CD1A: variants seen among roughly 807,000 people sequenced by gnomAD.
CD1A encodes the protein T-cell surface glycoprotein CD1a.
In CD1A, 50 loss-of-function variants were observed where a neutral mutation model predicts 38.3. That is an observed-to-expected ratio of 1.30 (90% CI 1.04 to 1.65). The LOEUF is 1.65. Among genes scored for constraint, CD1A ranks in the 40% most tolerant of loss-of-function variants. The pLI is 0.00. For missense variants in CD1A, 459 were observed against 406.1 expected, an observed-to-expected ratio of 1.13 and a Z score of -1.12; for synonymous variants, 160 against 150.8, an observed-to-expected ratio of 1.06 and a Z score of -0.45.
chr1:158,254,879 C>T (rs1650192746), intron 1 of CD1A, 152 bp downstream of exon 1: 6 of 896,290 alleles, frequency 6.7e-6, no homozygotes, highest in Non-Finnish European at 1.1e-5. Context: ...AGGCTGGTTC[C>T]ATTCTGACTA....
At chr1:158,249,723 T>C (rs1388516040), upstream of CD1A, among the ~76,000 whole-genome samples, 1 of 152,236 alleles carries the variant, frequency 6.6e-6, no homozygotes, top group Non-Finnish European at 1.5e-5. Context: ...GTTATTCTTG[T>C]TTGTTTAATT....
chr1:158,255,036 C>T (rs765680591), intron 1 of CD1A, 48 bp from the exon 2 acceptor site: 20 of 1,591,520 alleles, frequency 1.3e-5, no homozygotes, highest in Non-Finnish European at 1.6e-5. Flanking sequence ...TCTCTCCATC[C>T]TCTTTCTCAA....
chr1:158,257,772 A>C lies in CD1A; in HGVS notation c.*82A>C. On this transcript the variant is annotated 3_prime_UTR_variant, in exon 6 of 6. Coordinates refer to ENST00000289429, the MANE Select transcript of CD1A (RefSeq NM_001763.3). ...CCAAGGGCTCCAGACACACCTGAAC[A>C]CATCGTGATGATGACGTCCTCTCAA... 8.3e-7 allele frequency: 1 copy of C among 1,203,268 alleles called. No homozygotes were observed. Among genetic ancestry groups the C allele is most frequent in the Non-Finnish European group, 1.2e-6 (1 of 818,872 alleles). The allele number at this position is 1,203,268 out of a possible 1,614,324, so 74.5% of individuals were successfully genotyped here. A position where few individuals can be genotyped will look rare whatever the true frequency, so the allele number is the denominator to read the frequency against.
intron 2 of CD1A, among the ~76,000 whole-genome samples, 164 bp downstream of exon 2, chr1:158,255,514 A>G (rs1650228729): frequency 6.6e-6 from 1 of 152,072 alleles, no homozygotes; most frequent in African/African-American, 2.4e-5. Flanking sequence ...TATCATCCAG[A>G]CCTTAATTCT....
upstream of CD1A, chr1:158,254,030 GGTTTTTTTTTTTTTTTTTT>G (rs1406318462): frequency 7.3e-3 from 336 of 45,812 alleles, 6 homozygotes; most frequent in Middle Eastern, 0.02. Context: ...GTGTTCCTGT[GGTTTTTTTTTTTTTTTTTT>G]TTTTTTTTTT....
At chr1:158,254,962 C>A in intron 1 of CD1A, 122 bp from the exon 2 acceptor site, 1 of 1,050,872 alleles carries the variant, frequency 9.5e-7, no homozygotes, top group Non-Finnish European at 1.4e-6. Flanking sequence ...AAGTGAATGT[C>A]TGCTAAGATC....
chr1:158,250,239 C>G (rs1473821927), upstream of CD1A, among the ~76,000 whole-genome samples: 2 of 152,134 alleles, frequency 1.3e-5, no homozygotes, highest in Non-Finnish European at 2.9e-5. Context: ...CCTGTGGCCC[C>G]AGACATTGGG....
Position 158,256,888 on chromosome 1 carries a change from T to C in CD1A, c.707T>C (p.Met236Thr). ...TTCTACCCAAAGCCCGTGTGGGTGA[T>C]GTGGATGCGGGGTGAGCAGGAGCAG... Reference protein sequence around the residue: ...SGFYPKPVWVMWMRGEQEQQG... With the variant: ...SGFYPKPVWVTWMRGEQEQQG... Residue 236 changes from methionine to threonine, a missense_variant, in exon 4 of 6, where the codon ATG becomes ACG. Met to Thr is a moderately conservative substitution (Grantham distance 81, BLOSUM62 -1). Coordinates refer to ENST00000289429, the MANE Select transcript of CD1A (RefSeq NM_001763.3). 1 of 1,614,142 alleles carries C rather than the reference T, an allele frequency of 6.2e-7. No homozygotes were observed. The highest frequency in any genetic ancestry group is 8.5e-7 in the Non-Finnish European group (1 of 1,180,030).
upstream of CD1A, among the ~76,000 whole-genome samples, chr1:158,250,384 T>C (rs1319203019): frequency 1.3e-5 from 2 of 152,082 alleles, no homozygotes; most frequent in African/African-American, 2.4e-5. Flanking sequence ...AAGATAAAAT[T>C]ATGAAGAATT....
chr1:158,257,638 C>T, intron 5 of CD1A, 43 bp from the exon 6 acceptor site: 1 of 1,611,120 alleles, frequency 6.2e-7, no homozygotes, highest in Non-Finnish European at 8.5e-7. Flanking sequence ...CAATTCTCAG[C>T]TCCACCTTAT....
In CD1A at chr1:158,257,891, C is replaced by T; in HGVS notation, c.*201C>T. The T allele has an allele frequency of 3.4e-6, 2 of 583,446 alleles. No individual in the cohort carries two copies. 36.1% of individuals were successfully genotyped at this position (583,446 alleles called of 1,614,324 possible). A position where few individuals can be genotyped will look rare whatever the true frequency, so the allele number is the denominator to read the frequency against. Reference sequence around the variant, plus strand: ...ATTTAATTTTGCAGGATTTGTTGTTCTGACCTGGGTTCTGGGACTTTTAAA... The same window carrying T: ...ATTTAATTTTGCAGGATTTGTTGTTTTGACCTGGGTTCTGGGACTTTTAAA... On this transcript the variant is annotated 3_prime_UTR_variant, in exon 6 of 6. Transcript: ENST00000289429.
rs1346600075 is a variant in CD1A, at chr1:158,255,188, C to G, written c.163C>G (p.His55Asp). ...AGGTTGGCTGAGTGATTTGCAGACT[C>G]ATACCTGGGACAGCAATTCCAGCAC... is the stretch of plus-strand genomic sequence containing the variant. ...VSGWLSDLQTHTWDSNSSTIV... is the reference protein window; with the variant it reads ...VSGWLSDLQTDTWDSNSSTIV... The change falls in exon 2 of 6, where the codon CAT becomes GAT. Residue 55 changes from histidine (H) to aspartate (D), a missense_variant. Coordinates refer to ENST00000289429, the MANE Select transcript of CD1A (RefSeq NM_001763.3). The G allele has an allele frequency of 6.2e-7, 1 of 1,614,164 alleles. No individual in the cohort carries two copies. The highest frequency in any genetic ancestry group is 1.1e-5 in the South Asian group (1 of 91,082).
the CD1A span, among the ~76,000 whole-genome samples, chr1:158,249,338 G>A: frequency 6.6e-6 from 1 of 152,186 alleles, no homozygotes; most frequent in South Asian, 2.1e-4. Flanking sequence ...GGAAGTCCAA[G>A]ATCAAGGAAG....
Position 158,255,260 on chromosome 1 carries a change from G to A in CD1A, c.235G>A (p.Glu79Lys), listed in dbSNP as rs148007865. 8.8e-4 allele frequency: 1,427 copies of A among 1,614,058 alleles called. 1 individual carries two copies. The highest frequency in any genetic ancestry group is 1.1e-3 in the Non-Finnish European group (1,343 of 1,180,030). ...GTCCAGGGGAAACTTCAGCAATGAG[G>A]AGTGGAAGGAACTGGAAACATTATT... ...PWSRGNFSNEEWKELETLFRI... is the reference protein window; with the variant it reads ...PWSRGNFSNEKWKELETLFRI... Residue 79 changes from glutamate to lysine, a missense_variant, in exon 2 of 6, where the codon GAG (glutamate) becomes AAG (lysine). By Grantham distance (56) the Glu-to-Lys change is moderately conservative. Transcript: ENST00000289429.
Position 158,254,547 on chromosome 1 carries a change from A to G in CD1A, c.-123A>G. 2 of 1,556,678 alleles carry G rather than the reference A, an allele frequency of 1.3e-6. No homozygotes were observed. The highest frequency in any genetic ancestry group is 1.7e-6 in the Non-Finnish European group (2 of 1,153,198). On this transcript the variant is annotated 5_prime_UTR_variant, in exon 1 of 6. Transcript: ENST00000289429. ...GGAGTGGATTTTCTTTGTTGCAGTC[A>G]GGGGAGGTTTGTCTGTTGGCTGCAG...
At chr1:158,253,741 C>A (rs373627236), upstream of CD1A, among the ~76,000 whole-genome samples, 118 of 152,168 alleles carry the variant, frequency 7.8e-4, 4 homozygotes, top group South Asian at 0.024. Flanking sequence ...AGTTAGGAGC[C>A]CCCATTTTAG....
chr1:158,250,508 G>C (rs1650058940), upstream of CD1A, among the ~76,000 whole-genome samples: 1 of 152,176 alleles, frequency 6.6e-6, no homozygotes, highest in African/African-American at 2.4e-5. Flanking sequence ...GGATGATCCT[G>C]ACTTTGTCTC....
chr1:158,248,902 A>G, the CD1A span, among the ~76,000 whole-genome samples: 4 of 152,166 alleles, frequency 2.6e-5, no homozygotes, highest in African/African-American at 9.7e-5. Flanking sequence ...GTAGGACTAC[A>G]GCTCTCACCA....
In CD1A at chr1:158,257,733, G is replaced by A. The variant is rs760403501; in HGVS notation, c.*43G>A. ...CTCGTCACCCTTCTCCTTTTGGGGT[G>A]AGAGACCAGCAGCCCAAGGGCTCCA... is the stretch of plus-strand genomic sequence containing the variant. On this transcript the variant is annotated 3_prime_UTR_variant, in exon 6 of 6. Transcript: ENST00000289429. 5 of 1,601,600 alleles carry A rather than the reference G, an allele frequency of 3.1e-6. No individual in the cohort carries two copies. Among genetic ancestry groups the A allele is most frequent in the Non-Finnish European group, 4.3e-6 (5 of 1,168,602 alleles).
Sources: gnomAD v4.1 joint callset for allele counts (sites outside exome capture counted in the v4.1 genomes callset) on GRCh38, gnomAD v4.1.1 for gene constraint, MANE v1.5 for transcripts, NCBI Gene and HGNC (gene_info 2026-07-23, HGNC 2026-07-21) for gene names.